FRYL: variants seen among roughly 807,000 people sequenced by gnomAD.
FRYL encodes protein furry homolog-like.
Under a neutral mutation model 351.2 loss-of-function variants are expected in FRYL, and 150 were observed. The ratio of observed to expected loss-of-function variants is 0.43; its 90% CI spans 0.37 to 0.49. The LOEUF is 0.49. Among genes scored for constraint, FRYL ranks in the 20% least tolerant of loss-of-function variants. The pLI, the probability that FRYL is intolerant of heterozygous loss-of-function variation, is 0.00. For missense variants in FRYL, 3,036 were observed against 3,619.3 expected (o/e 0.84, Z 4.13); for synonymous variants, 1,153 against 1,257.1 (o/e 0.92, Z 1.75).
chr4:48,724,864 A>C (rs1436722703), intron 1 of FRYL, among the ~76,000 whole-genome samples: 2 of 152,248 alleles, frequency 1.3e-5, no homozygotes, highest in African/African-American at 4.8e-5. Context: ...ATATATTTGA[A>C]TATCTTATTT....
At chr4:48,744,337 A>C (rs1181250980) in intron 1 of FRYL, among the ~76,000 whole-genome samples, 2 of 152,176 alleles carry the variant, frequency 1.3e-5, no homozygotes, top group Admixed American at 1.3e-4. Context: ...ATATTGTTGA[A>C]GGAGGGGAAG....
intron 2 of FRYL, among the ~76,000 whole-genome samples, chr4:48,701,328 C>T (rs1439602408): frequency 6.6e-6 from 1 of 152,156 alleles, no homozygotes; most frequent in East Asian, 1.9e-4. Context: ...TCTGTAAAAA[C>T]CCCATTTCCA....
intron 3 of FRYL, among the ~76,000 whole-genome samples, chr4:48,665,792 G>A (rs1160084680): frequency 6.6e-6 from 1 of 152,138 alleles, no homozygotes; most frequent in Non-Finnish European, 1.5e-5. Flanking sequence ...CAGGGTGTAC[G>A]GAGACCTCTT....
chr4:48,554,553 G>A (rs1733655234), intron 35 of FRYL, among the ~76,000 whole-genome samples: 1 of 152,160 alleles, frequency 6.6e-6, no homozygotes, highest in Non-Finnish European at 1.5e-5. Context: ...TGGCCAGGCT[G>A]GTCTCGAACT....
intron 1 of FRYL, among the ~76,000 whole-genome samples, chr4:48,760,442 T>C (rs1578952655): frequency 6.6e-6 from 1 of 152,220 alleles, no homozygotes; most frequent in East Asian, 1.9e-4. Flanking sequence ...CTGAAGAATT[T>C]ATCTTAGGGT....
intron 2 of FRYL, among the ~76,000 whole-genome samples, chr4:48,695,976 A>T (rs1018993928): frequency 6.6e-6 from 1 of 152,168 alleles, no homozygotes; most frequent in Admixed American, 6.6e-5. Context: ...ACCACAATGA[A>T]ATACCATCTC....
intron 18 of FRYL, among the ~76,000 whole-genome samples, chr4:48,587,546 T>TA (rs533372393): frequency 2.3e-3 from 349 of 151,942 alleles, no homozygotes; most frequent in Middle Eastern, 6.8e-3. Flanking sequence ...TATTTTTATT[T>TA]TTTATTTTTT....
intron 3 of FRYL, among the ~76,000 whole-genome samples, chr4:48,676,650 C>T (rs914662448): frequency 2.6e-5 from 4 of 152,098 alleles, no homozygotes; most frequent in Non-Finnish European, 4.4e-5. Context: ...CTCGGCCTCC[C>T]GAAGTTTTGG....
Position 48,589,725 on chromosome 4 carries a change from G to A in FRYL, c.1640+20C>T. 1 of 1,608,446 alleles carries A rather than the reference G, an allele frequency of 6.2e-7. No individual in the cohort carries two copies. Among genetic ancestry groups the A allele is most frequent in the Non-Finnish European group, 8.5e-7 (1 of 1,177,196 alleles). On this transcript the variant is annotated intron_variant, in intron 18 of 63. Transcript: ENST00000358350. Reference sequence around the variant, plus strand: ...TAGGAAAACTGAAATAGCAATGAAGGCACATAATTTACTACATACGTAATC... The same window carrying A: ...TAGGAAAACTGAAATAGCAATGAAGACACATAATTTACTACATACGTAATC...
Position 48,547,751 on chromosome 4 carries a change from G to T in FRYL, c.4907C>A (p.Pro1636His). 6.6e-7 allele frequency: 1 copy of T among 1,521,336 alleles called. No homozygotes were observed. The highest frequency in any genetic ancestry group is 8.9e-7 in the Non-Finnish European group (1 of 1,121,574). 94.2% of individuals were successfully genotyped at this position (1,521,336 alleles called of 1,614,324 possible). A position where few individuals can be genotyped will look rare whatever the true frequency, so the allele number is the denominator to read the frequency against. The change falls in exon 41 of 64, where the codon CCT (proline) becomes CAT (histidine). Residue 1636 changes from proline to histidine, a missense_variant. Transcript: ENST00000358350. ...GCGTTTACAATGTTCATACACCTCA[G>T]GGTGGCAGTGGTCAAACCCTAAAAA... The part of the protein sequence containing the change: ...AIFIGFDHCH[P>H]EVYEHCKRLL...
intron 7 of FRYL, among the ~76,000 whole-genome samples, chr4:48,616,072 G>C (rs1749361508): frequency 6.6e-6 from 1 of 152,100 alleles, no homozygotes; most frequent in South Asian, 2.1e-4. Flanking sequence ...CTCTCGGCGG[G>C]TGGGGAGCTA....
At chr4:48,722,840 A>G (rs1769641953) in intron 1 of FRYL, among the ~76,000 whole-genome samples, 1 of 152,216 alleles carries the variant, frequency 6.6e-6, no homozygotes, top group African/African-American at 2.4e-5. Flanking sequence ...ATGATACACA[A>G]TAAGACTAAG....
rs1732248953 is a variant in FRYL, at chr4:48,549,734, T to A, written c.4634-111A>T. On this transcript the variant is annotated intron_variant, in intron 38 of 63. Transcript: ENST00000358350. The surrounding 1 kb of genome is among the most constrained non-coding windows in gnomAD (Gnocchi z 4.2). ...TAGTATTGGAAAGTGATAAAAAAAATTTCCCACTATTTCAACATGTTTGCT... is the reference window on the plus strand; with the variant it reads ...TAGTATTGGAAAGTGATAAAAAAAAATTCCCACTATTTCAACATGTTTGCT... 8 of 820,590 alleles carry A rather than the reference T, an allele frequency of 9.7e-6. No individual in the cohort carries two copies. Among genetic ancestry groups the A allele is most frequent in the Non-Finnish European group, 1.3e-5 (7 of 548,596 alleles). The allele number at this position is 820,590 out of a possible 1,614,324, so 50.8% of individuals were successfully genotyped here. A position where few individuals can be genotyped will look rare whatever the true frequency, so the allele number is the denominator to read the frequency against.
chr4:48,547,565 G>T lies in FRYL; in HGVS notation c.5074+19C>A. 3 of 1,405,608 alleles carry T rather than the reference G, an allele frequency of 2.1e-6. No homozygotes were observed. The highest frequency in any genetic ancestry group is 2.9e-6 in the Non-Finnish European group (3 of 1,034,598). The allele number at this position is 1,405,608 out of a possible 1,614,324, so 87.1% of individuals were successfully genotyped here. ...TAAAGTATAATTCTACTTTCAAATT[G>T]TACATTTAAAGCAAATACCTGTGAA... On this transcript the variant is annotated intron_variant, in intron 41 of 63. Transcript: ENST00000358350.
chr4:48,770,318 T>A (rs1454203907), intron 1 of FRYL, among the ~76,000 whole-genome samples: 1 of 152,178 alleles, frequency 6.6e-6, no homozygotes, highest in South Asian at 2.1e-4. Flanking sequence ...TTTTTCTTAT[T>A]TTACAAATTA....
rs1396677465 is a variant in FRYL, at chr4:48,717,173, G to A, written c.-383-6475C>T. Among the ~76,000 whole-genome samples, 3 of 150,874 alleles carry A rather than the reference G, an allele frequency of 2.0e-5. No homozygotes were observed. In the East Asian group the frequency reaches 5.9e-4, roughly 30 times the overall value. On this transcript the variant is annotated intron_variant, in intron 1 of 63. Transcript: ENST00000358350. ...GCACTGGAAGATATACCTAATGGTAGATGACGAGTTAGTGGGTGCAGTGCA... is the reference window on the plus strand; with the variant it reads ...GCACTGGAAGATATACCTAATGGTAAATGACGAGTTAGTGGGTGCAGTGCA...
At chr4:48,665,885 T>C (rs1761636519) in intron 3 of FRYL, among the ~76,000 whole-genome samples, 1 of 152,216 alleles carries the variant, frequency 6.6e-6, no homozygotes, top group Non-Finnish European at 1.5e-5. Flanking sequence ...TCCTAAATTG[T>C]CAGTAGTAAA....
chr4:48,776,744 C>T (rs1194042275), intron 1 of FRYL, among the ~76,000 whole-genome samples: 2 of 152,206 alleles, frequency 1.3e-5, no homozygotes, highest in Non-Finnish European at 2.9e-5. Context: ...ATTCAGAGCA[C>T]ATACTCTGTC....
chr4:48,763,106 T>TTA (rs33989912), intron 1 of FRYL, among the ~76,000 whole-genome samples: 5 of 91,536 alleles, frequency 5.5e-5, no homozygotes, highest in East Asian at 3.5e-4. Context: ...TACAGATCTG[T>TTA]AAAAAAAAAA....
Sources: allele counts gnomAD v4.1 joint callset (sites outside exome capture counted in the v4.1 genomes callset), GRCh38; gene constraint gnomAD v4.1.1; non-coding constraint Gnocchi (gnomAD v3.1); transcripts MANE v1.5; gene names NCBI Gene and HGNC (gene_info 2026-07-23, HGNC 2026-07-21).